LRRC28: variants seen among roughly 807,000 people sequenced by gnomAD.
The protein encoded by LRRC28 is leucine-rich repeat-containing protein 28.
LRRC28 carries 39 observed loss-of-function variants against 45.7 expected under a neutral mutation model. The observed-to-expected ratio is 0.85, with a 90% CI of 0.66 to 1.12. LRRC28 has a LOEUF of 1.12. LRRC28 is among the 50% of genes most tolerant of loss of function. The pLI, the probability that LRRC28 is intolerant of heterozygous loss-of-function variation, is 0.00. For synonymous variants in LRRC28, 206 were observed against 178.8 expected (o/e 1.15, Z -1.22); for missense variants, 435 against 438.5 (o/e 0.99, Z 0.07).
intron 5 of LRRC28, among the ~76,000 whole-genome samples, chr15:99,328,358 A>T (rs1414045819): frequency 2.0e-5 from 3 of 152,204 alleles, no homozygotes; most frequent in Admixed American, 1.3e-4. Context: ...CAAAATCCTG[A>T]ATGTTGAAAT....
chr15:99,308,889 A>C (rs374070581), intron 5 of LRRC28, among the ~76,000 whole-genome samples: 9 of 152,196 alleles, frequency 5.9e-5, no homozygotes, highest in East Asian at 5.8e-4. Context: ...CTGCAGTCTC[A>C]TCTGAGGCTC....
At chr15:99,355,722 A>G (rs569875259) in intron 7 of LRRC28, 1 of 147,706 alleles carries the variant, frequency 6.8e-6, no homozygotes, top group East Asian at 2.0e-4. Context: ...GTTTTTTCCA[A>G]TTGTTTAATT....
At chr15:99,262,801 A>T (rs576647253) in intron 2 of LRRC28, among the ~76,000 whole-genome samples, 24 of 151,054 alleles carry the variant, frequency 1.6e-4, no homozygotes, top group South Asian at 1.3e-3. Flanking sequence ...ACACCACCAC[A>T]CCATACCCAG....
chr15:99,368,014 C>T (rs1957386942), intron 9 of LRRC28, among the ~76,000 whole-genome samples: 1 of 152,136 alleles, frequency 6.6e-6, no homozygotes, highest in Non-Finnish European at 1.5e-5. Flanking sequence ...ATGAATGATA[C>T]TCTAATCACT....
chr15:99,327,083 A>AT (rs1039541289), intron 5 of LRRC28, among the ~76,000 whole-genome samples: 2 of 151,580 alleles, frequency 1.3e-5, no homozygotes, highest in Non-Finnish European at 2.9e-5. Flanking sequence ...TTTTTTTTTA[A>AT]TTTTTTTTGA....
At position 99,352,379 on chromosome 15, in the gene LRRC28, A is replaced by C; in HGVS notation, c.603A>C (p.Arg201=). The part of the protein sequence containing the change: ...RLAFLPLDLG[R]SRELQYVYVD... ...TTCTTTCTAATCCAGATTTAGGTCG[A>C]TCTCGAGAACTACAGTATGTATACG... The change falls in exon 7 of 10, where the codon CGA becomes CGC. Residue 201 remains arginine, a synonymous_variant. Transcript: ENST00000301981. The C allele has an allele frequency of 6.2e-7, 1 of 1,613,012 alleles. No homozygotes were observed. Among genetic ancestry groups the C allele is most frequent in the South Asian group, 1.1e-5 (1 of 90,910 alleles).
intron 9 of LRRC28, among the ~76,000 whole-genome samples, chr15:99,363,866 C>G (rs1245669172): frequency 6.6e-6 from 1 of 152,056 alleles, no homozygotes; most frequent in African/African-American, 2.4e-5. Context: ...TGAAAAATTC[C>G]CCACTTGCAC....
At chr15:99,317,013 T>C (rs534725752) in intron 5 of LRRC28, among the ~76,000 whole-genome samples, 15 of 151,614 alleles carry the variant, frequency 9.9e-5, no homozygotes, top group African/African-American at 3.1e-4. Flanking sequence ...TTTTTTTTTT[T>C]TGGAGAGGTG....
At chr15:99,332,118 T>C (rs1303299914) in intron 5 of LRRC28, 1 of 152,238 alleles carries the variant, frequency 6.6e-6, no homozygotes, top group Non-Finnish European at 1.5e-5. Context: ...TTTCTTCTTA[T>C]GACTTATAAA....
intron 5 of LRRC28, among the ~76,000 whole-genome samples, chr15:99,290,875 G>T (rs1169564378): frequency 6.6e-6 from 1 of 152,082 alleles, no homozygotes; most frequent in Non-Finnish European, 1.5e-5. Flanking sequence ...GCTGGGGCGG[G>T]AGAATCTCTT....
intron 5 of LRRC28, among the ~76,000 whole-genome samples, chr15:99,328,122 A>G (rs1956043847): frequency 6.6e-6 from 1 of 152,236 alleles, no homozygotes; most frequent in African/African-American, 2.4e-5. Context: ...ATAGTCTAGC[A>G]TGTGGTCTGT....
At chr15:99,356,902 A>G (rs1039233336) in intron 7 of LRRC28, among the ~76,000 whole-genome samples, 1 of 152,244 alleles carries the variant, frequency 6.6e-6, no homozygotes, top group Non-Finnish European at 1.5e-5. Context: ...TATAAGTGCT[A>G]AAGAAAAAAG....
At chr15:99,322,815 C>A (rs908596990) in intron 5 of LRRC28, among the ~76,000 whole-genome samples, 1 of 152,052 alleles carries the variant, frequency 6.6e-6, no homozygotes, top group African/African-American at 2.4e-5. Flanking sequence ...CAATCCCTGC[C>A]CTTTAAAAGG....
intron 5 of LRRC28, among the ~76,000 whole-genome samples, chr15:99,321,332 G>C (rs918453076): frequency 2.0e-5 from 3 of 152,110 alleles, no homozygotes; most frequent in African/African-American, 7.2e-5. Context: ...TTATTGTATA[G>C]TCTAAGTTAT....
intron 2 of LRRC28, chr15:99,257,598 G>A (rs1219953462): frequency 7.9e-6 from 5 of 630,690 alleles, no homozygotes; most frequent in Middle Eastern, 2.6e-4. Flanking sequence ...TCTTGCGATC[G>A]AAAGGGACTT....
At chr15:99,281,283 C>T (rs1295967610) in intron 3 of LRRC28, among the ~76,000 whole-genome samples, 2 of 151,940 alleles carry the variant, frequency 1.3e-5, no homozygotes, top group East Asian at 3.9e-4. Flanking sequence ...CTTACATTGT[C>T]ACCCAGGAGT....
intron 9 of LRRC28, among the ~76,000 whole-genome samples, chr15:99,375,989 T>G (rs756093861): frequency 3.0e-4 from 46 of 152,114 alleles, no homozygotes; most frequent in Non-Finnish European, 1.6e-4. Context: ...TTTAGGTTTT[T>G]AAAAGCTAAA....
Position 99,334,211 on chromosome 15 carries a change from T to C in LRRC28, c.592+82T>C. The C allele has an allele frequency of 1.4e-5, 21 of 1,476,550 alleles. 2 individuals are homozygous for C. The South Asian group carries it at 2.4e-4, about 17-fold the overall frequency. The allele number at this position is 1,476,550 out of a possible 1,614,324, so 91.5% of individuals were successfully genotyped here. Reference sequence around the variant, plus strand: ...TCTTTGACTAGAACCAATTAGTTAGTTTCCTTCCTTCTGTTTATCTTGACG... The same window carrying C: ...TCTTTGACTAGAACCAATTAGTTAGCTTCCTTCCTTCTGTTTATCTTGACG... On this transcript the variant is annotated intron_variant, in intron 6 of 9. Transcript: ENST00000301981.
chr15:99,256,583 T>G (rs2081028341), intron 2 of LRRC28, among the ~76,000 whole-genome samples: 1 of 152,212 alleles, frequency 6.6e-6, no homozygotes, highest in Admixed American at 6.5e-5. Context: ...GAGATGCACT[T>G]GGGAAGCTTA....
Sources: gnomAD v4.1 joint callset for allele counts (sites outside exome capture counted in the v4.1 genomes callset) on GRCh38, gnomAD v4.1.1 for gene constraint, MANE v1.5 for transcripts, NCBI Gene and HGNC (gene_info 2026-07-23, HGNC 2026-07-21) for gene names.